The following INSL6 variants were observed in gnomAD, a reference collection of about 807,000 sequenced individuals.
INSL6 encodes the protein insulin-like peptide INSL6.
INSL6 carries 16 observed loss-of-function variants against 9.4 expected under a neutral mutation model. That is an observed-to-expected ratio of 1.70 (90% CI 1.15 to 2.59). INSL6 has a LOEUF of 2.59. Among genes scored for constraint, INSL6 ranks in the 30% most tolerant of loss-of-function variants. The probability of loss-of-function intolerance (pLI) is 0.00; values close to 1 mark genes in which losing one functional copy is unlikely to be tolerated. For missense variants in INSL6, 391 were observed against 257.3 expected, an observed-to-expected ratio of 1.52 and a Z score of -3.56; for synonymous variants, 154 against 96.9, an observed-to-expected ratio of 1.59 and a Z score of -3.46.
At chr9:5,138,779 A>G (rs1420622181) in intron 2 of INSL6, among the ~76,000 whole-genome samples, 1 of 152,092 alleles carries the variant, frequency 6.6e-6, no homozygotes, top group Non-Finnish European at 1.5e-5. Flanking sequence ...ATATCTAAAA[A>G]AATAGTTACC....
the INSL6 span, among the ~76,000 whole-genome samples, chr9:5,058,905 A>C: frequency 6.6e-6 from 1 of 152,204 alleles, no homozygotes; most frequent in East Asian, 1.9e-4. Flanking sequence ...GAATTATAGA[A>C]ATTATTTATG....
At chr9:5,174,208 A>G (rs976960910) in intron 1 of INSL6, among the ~76,000 whole-genome samples, 11 of 152,192 alleles carry the variant, frequency 7.2e-5, no homozygotes, top group Middle Eastern at 6.8e-3. Context: ...AAACCCAAAC[A>G]CATTTCTCTT....
At chr9:5,014,270 C>T in the INSL6 span, among the ~76,000 whole-genome samples, 1 of 150,480 alleles carries the variant, frequency 6.6e-6, no homozygotes, top group Admixed American at 6.6e-5. Context: ...TCCCAGAGTG[C>T]AGGGATTACA....
the INSL6 span, chr9:5,066,934 A>T: frequency 7.8e-6 from 3 of 382,302 alleles, no homozygotes; most frequent in Non-Finnish European, 1.4e-5. Context: ...TTCCTCAGAG[A>T]TTCTGTACAA....
the INSL6 span, among the ~76,000 whole-genome samples, chr9:5,018,952 C>G: frequency 6.6e-6 from 1 of 152,108 alleles, no homozygotes; most frequent in East Asian, 1.9e-4. Flanking sequence ...CTCTCTTTGT[C>G]TTTGACAAGC....
chr9:5,000,479 G>A, the INSL6 span, among the ~76,000 whole-genome samples: 33 of 152,272 alleles, frequency 2.2e-4, no homozygotes, highest in African/African-American at 3.4e-4. Context: ...AAAGAGAAGC[G>A]TAACATAAAA....
chr9:5,082,021 G>C, the INSL6 span, among the ~76,000 whole-genome samples: 1 of 152,224 alleles, frequency 6.6e-6, no homozygotes, highest in Non-Finnish European at 1.5e-5. Context: ...TAAATAAACA[G>C]CTATCTTTAC....
At chr9:5,168,917 T>A (rs940887017) in intron 1 of INSL6, among the ~76,000 whole-genome samples, 1 of 139,274 alleles carries the variant, frequency 7.2e-6, no homozygotes, top group African/African-American at 3.0e-5. Context: ...GGGCGGCCAA[T>A]ATTTATTTGA....
the INSL6 span, among the ~76,000 whole-genome samples, chr9:5,017,666 TATA>T: frequency 6.6e-6 from 1 of 152,234 alleles, no homozygotes; most frequent in East Asian, 1.9e-4. Context: ...TAATACTGAC[TATA>T]ATAAGATACG....
At chr9:5,051,484 T>C in the INSL6 span, among the ~76,000 whole-genome samples, 2 of 152,158 alleles carry the variant, frequency 1.3e-5, no homozygotes, top group Admixed American at 6.6e-5. Flanking sequence ...GAGATTTGGA[T>C]TCAGTAAATC....
the INSL6 span, among the ~76,000 whole-genome samples, chr9:5,073,274 C>T: frequency 4.6e-3 from 706 of 152,296 alleles, 6 homozygotes; most frequent in African/African-American, 0.016. Flanking sequence ...ATGCTAGTAT[C>T]CTGACACAGA....
At chr9:5,146,220 G>C (rs1190361730) in intron 2 of INSL6, among the ~76,000 whole-genome samples, 1 of 152,172 alleles carries the variant, frequency 6.6e-6, no homozygotes, top group Non-Finnish European at 1.5e-5. Flanking sequence ...TAGGGGGCCA[G>C]TATTCAGCTC....
the INSL6 span, chr9:5,114,653 CA>C: frequency 2.2e-6 from 1 of 461,030 alleles, no homozygotes; most frequent in South Asian, 1.7e-5. Flanking sequence ...CGCAGCCCCG[CA>C]AAACCAAGGG....
At chr9:5,137,449 C>G (rs1824406873) in intron 2 of INSL6, among the ~76,000 whole-genome samples, 1 of 152,030 alleles carries the variant, frequency 6.6e-6, no homozygotes, top group South Asian at 2.1e-4. Context: ...AGAACAGAGG[C>G]CTCACAAATA....
the INSL6 span, among the ~76,000 whole-genome samples, chr9:5,001,908 T>A: frequency 6.6e-6 from 1 of 152,150 alleles, no homozygotes; most frequent in East Asian, 1.9e-4. Context: ...TTGGTAATTT[T>A]TGTCTTTCAA....
the INSL6 span, chr9:5,107,841 G>A: frequency 6.6e-6 from 1 of 152,056 alleles, no homozygotes; most frequent in Non-Finnish European, 1.5e-5. Flanking sequence ...TTTGCTGCCT[G>A]TGAAGCCGCA....
At chr9:5,031,027 TTAA>T in the INSL6 span, among the ~76,000 whole-genome samples, 1 of 152,076 alleles carries the variant, frequency 6.6e-6, no homozygotes, top group African/African-American at 2.4e-5. Flanking sequence ...AGGAATGGTC[TTAA>T]TAAGAAAAAA....
At position 5,185,327 on chromosome 9, in the gene INSL6, T is replaced by A; in HGVS notation, c.276A>T (p.Arg92Ser). The A allele has an allele frequency of 6.2e-7, 1 of 1,614,116 alleles. No individual in the cohort carries two copies. Among genetic ancestry groups the A allele is most frequent in the South Asian group, 1.1e-5 (1 of 91,076 alleles). The change falls in exon 1 of 2, where the codon AGA (arginine) becomes AGT (serine). Residue 92 changes from arginine to serine, a missense_variant. Transcript: ENST00000381641. ...SPQTASPARG[R>S]GTNPVSTSWE... ...TTCGATTTTTACCTGGGTTTGTGCC[T>A]CTTCCCCGGGCCGGGGAAGCGGTTT...
the INSL6 span, among the ~76,000 whole-genome samples, chr9:5,009,014 T>A: frequency 2.6e-5 from 4 of 152,208 alleles, no homozygotes; most frequent in Admixed American, 2.6e-4. Flanking sequence ...TTCAACTCTT[T>A]CACTGAATTG....
Sources: gnomAD v4.1 joint callset for allele counts (sites outside exome capture counted in the v4.1 genomes callset) on GRCh38, gnomAD v4.1.1 for gene constraint, MANE v1.5 for transcripts, NCBI Gene and HGNC (gene_info 2026-07-23, HGNC 2026-07-21) for gene names.